STAU1: variants seen among roughly 807,000 people sequenced by gnomAD.
STAU1 encodes double-stranded RNA-binding protein Staufen homolog 1.
In STAU1, 13 loss-of-function variants were observed where a neutral mutation model predicts 62.9. The observed-to-expected ratio is 0.21, with a 90% CI of 0.13 to 0.33. The LOEUF (loss-of-function observed/expected upper bound fraction) is 0.33. STAU1 is among the 10% of genes least tolerant of loss of function. STAU1 has a pLI of 1.00. For missense variants in STAU1, 571 were observed against 712.1 expected (o/e 0.80, Z 2.25); for synonymous variants, 269 against 265.1 (o/e 1.01, Z -0.14).
At chr20:49,203,355 G>T in the STAU1 span, among the ~76,000 whole-genome samples, 1 of 152,162 alleles carries the variant, frequency 6.6e-6, no homozygotes, top group Admixed American at 6.6e-5. Flanking sequence ...ACCCGGGGAG[G>T]CAGAGGTTGC....
intron 9 of STAU1, 123 bp from the exon 10 acceptor site, chr20:49,118,531 A>C (rs1600595702): frequency 1.4e-6 from 1 of 726,784 alleles, no homozygotes. Flanking sequence ...CGGCAGAAAA[A>C]CCCTGCCCCA....
chr20:49,133,187 G>A (rs1460629232), intron 6 of STAU1, among the ~76,000 whole-genome samples: 1 of 152,202 alleles, frequency 6.6e-6, no homozygotes, highest in African/African-American at 2.4e-5. Flanking sequence ...TAACAAAAGT[G>A]AAGGAGGAAA....
intron 5 of STAU1, among the ~76,000 whole-genome samples, chr20:49,145,423 CAAAAAAAAAAAAA>C (rs35023867): frequency 1.7e-4 from 7 of 40,182 alleles, no homozygotes; most frequent in East Asian, 1.8e-3. Flanking sequence ...GACTCCGTCT[CAAAAAAAAAAAAA>C]AAAAAAAAAA....
intron 6 of STAU1, among the ~76,000 whole-genome samples, chr20:49,130,769 G>A (rs1199993323): frequency 2.6e-5 from 4 of 152,100 alleles, no homozygotes; most frequent in Non-Finnish European, 5.9e-5. Context: ...TGGGTGTGGT[G>A]GCTCACGCCT....
chr20:49,218,227 A>G, the STAU1 span, among the ~76,000 whole-genome samples: 1 of 124,284 alleles, frequency 8.0e-6, no homozygotes. Context: ...ACAAAGCCCA[A>G]TCTTTTTTTT....
the STAU1 span, among the ~76,000 whole-genome samples, chr20:49,205,706 CT>C: frequency 6.7e-6 from 1 of 148,920 alleles, no homozygotes; most frequent in Non-Finnish European, 1.5e-5. Flanking sequence ...GAGTTTTGCT[CT>C]TGTTGCCCAG....
intron 3 of STAU1, among the ~76,000 whole-genome samples, chr20:49,157,781 A>C (rs2093385037): frequency 6.6e-6 from 1 of 151,870 alleles, no homozygotes; most frequent in South Asian, 2.1e-4. Flanking sequence ...CCCGGCCCAT[A>C]CCTGGGTAAT....
At chr20:49,175,055 C>G (rs1191520634) in intron 1 of STAU1, among the ~76,000 whole-genome samples, 2 of 152,014 alleles carry the variant, frequency 1.3e-5, no homozygotes, top group African/African-American at 2.4e-5. Flanking sequence ...ACTTGGCAGG[C>G]TGAAGCAGGA....
chr20:49,124,357 G>A lies in STAU1; in HGVS notation c.822+18C>T, dbSNP rs1296641291. 6.2e-7 allele frequency: 1 copy of A among 1,611,142 alleles called. No homozygotes were observed. The highest frequency in any genetic ancestry group is 8.5e-7 in the Non-Finnish European group (1 of 1,178,338). On this transcript the variant is annotated intron_variant, in intron 7 of 13. Transcript: ENST00000371856. ...TATAAGTAATGAAAACACCTTCTGT[G>A]TTCAGAAAAGTTCTCACCTTGACTA...
At chr20:49,134,573 G>A in intron 6 of STAU1, 6 of 1,299,200 alleles carry the variant, frequency 4.6e-6, no homozygotes. Context: ...CAAAGGACCT[G>A]CCCCCAGAGA....
At chr20:49,174,928 C>T (rs1187997355) in intron 1 of STAU1, among the ~76,000 whole-genome samples, 34 of 127,470 alleles carry the variant, frequency 2.7e-4, no homozygotes, top group East Asian at 7.0e-4. Context: ...AGTGAGACTC[C>T]GTCACAAAAA....
intron 1 of STAU1, chr20:49,179,079 T>TAA (rs3091668): frequency 6.1e-5 from 7 of 114,178 alleles, no homozygotes; most frequent in Admixed American, 9.2e-5. Context: ...AGACTCCATC[T>TAA]AAAAAAAAAA....
intron 5 of STAU1, among the ~76,000 whole-genome samples, chr20:49,136,530 A>G (rs1296703607): frequency 1.3e-5 from 2 of 152,220 alleles, no homozygotes; most frequent in South Asian, 2.1e-4. Context: ...GTGGTTCAGC[A>G]AGATGTCACT....
chr20:49,171,690 C>G (rs1194308078), intron 2 of STAU1, among the ~76,000 whole-genome samples: 1 of 152,072 alleles, frequency 6.6e-6, no homozygotes, highest in African/African-American at 2.4e-5. Flanking sequence ...ACTTCTCCCT[C>G]CCAGCCCCCC....
rs1327866508 is a variant in STAU1 at position 49,115,783 on chromosome 20, C to G, written c.1717G>C (p.Val573Leu). Reference protein sequence around the residue: ...MPRTGNGPMSVCGRC With the variant: ...MPRTGNGPMSLCGRC The stretch of plus-strand genomic sequence containing the variant: ...CTTCCCCTTCATCAGTGCACTCACA[C>G]AGACATTGGTCCGTTTCCTGTTCTT... Residue 573 changes from valine (V) to leucine (L), a missense_variant and splice_region_variant, in exon 13 of 14, where the codon GTG becomes CTG. By Grantham distance (32) the Val-to-Leu change is conservative (BLOSUM62 1). Around this residue, in one of 3 missense-constraint regions of STAU1, gnomAD observed 156 missense variants for 194.7 expected, o/e 0.80. Coordinates refer to ENST00000371856, the MANE Select transcript of STAU1 (RefSeq NM_017453.4). The G allele has an allele frequency of 1.9e-6, 3 of 1,613,958 alleles. No individual in the cohort carries two copies. Among genetic ancestry groups the G allele is most frequent in the South Asian group, 1.1e-5 (1 of 91,070 alleles).
chr20:49,143,116 A>G (rs752376390), intron 5 of STAU1, among the ~76,000 whole-genome samples: 3 of 152,106 alleles, frequency 2.0e-5, no homozygotes, highest in Non-Finnish European at 4.4e-5. Context: ...AAAATTTCCT[A>G]TTATCCAGAC....
intron 3 of STAU1, among the ~76,000 whole-genome samples, chr20:49,156,482 T>C (rs1353908888): frequency 1.3e-5 from 2 of 152,188 alleles, no homozygotes; most frequent in African/African-American, 2.4e-5. Context: ...AGACACACTT[T>C]TGAAAGGTAC....
At chr20:49,163,135 T>C (rs1203527073) in intron 3 of STAU1, among the ~76,000 whole-genome samples, 1 of 151,040 alleles carries the variant, frequency 6.6e-6, no homozygotes, top group Non-Finnish European at 1.5e-5. Flanking sequence ...GAAGTTGCAG[T>C]GAGCCAAGAT....
intron 1 of STAU1, among the ~76,000 whole-genome samples, chr20:49,175,441 T>TGA (rs1239940844): frequency 1.7e-4 from 26 of 152,280 alleles, no homozygotes; most frequent in African/African-American, 6.3e-4. Context: ...TATTCCCTGA[T>TGA]GAGAGTAATA....
Sources: gnomAD v4.1 joint callset for allele counts (sites outside exome capture counted in the v4.1 genomes callset) on GRCh38, gnomAD v4.1.1 for gene constraint, gnomAD v4.1.1 regional missense constraint, MANE v1.5 for transcripts, NCBI Gene and HGNC (gene_info 2026-07-23, HGNC 2026-07-21) for gene names.